The following SMOC2 variants were observed in gnomAD, a reference collection of about 807,000 sequenced individuals.
SMOC2 encodes the protein SPARC-related modular calcium-binding protein 2.
SMOC2 carries 39 observed loss-of-function variants against 61.4 expected under a neutral mutation model. That is an observed-to-expected ratio of 0.64 (90% CI 0.49 to 0.83). The LOEUF (loss-of-function observed/expected upper bound fraction) is 0.83. Ranked by LOEUF, SMOC2 falls within the 40% of genes least tolerant of loss-of-function variation. SMOC2 has a pLI of 0.00. For synonymous variants in SMOC2, 247 were observed against 239.9 expected (o/e 1.03, Z -0.27); for missense variants, 556 against 592.9 (o/e 0.94, Z 0.65).
intron 1 of SMOC2, among the ~76,000 whole-genome samples, chr6:168,466,024 G>GA: frequency 8.8e-6 from 1 of 113,932 alleles, no homozygotes; most frequent in African/African-American, 3.5e-5. Context: ...GGGGGGCTCT[G>GA]GATGAAGCGA....
rs1381793177 is a variant in SMOC2 at position 168,666,524 on chromosome 6, ATAG to A, written c.*89_*91del. ...ATTAAGAAAACAAAAACAGAAACAC[ATAG>A]TATTTGCACTTTGTACTTTAAATGT... On this transcript the variant is annotated 3_prime_UTR_variant, in exon 13 of 13. Coordinates refer to ENST00000356284, the MANE Select transcript of SMOC2 (RefSeq NM_001166412.2). 25 of 1,397,628 alleles carry A rather than the reference ATAG, an allele frequency of 1.8e-5. No homozygotes were observed. In the Admixed American group the frequency reaches 3.1e-4, roughly 17 times the overall value. 86.6% of individuals were successfully genotyped at this position (1,397,628 alleles called of 1,614,324 possible).
chr6:168,615,003 G>A (rs1786025204), intron 9 of SMOC2, among the ~76,000 whole-genome samples: 1 of 57,654 alleles, frequency 1.7e-5, no homozygotes, highest in African/African-American at 6.7e-5. Flanking sequence ...CCAGCACAGG[G>A]CCTCTTCATA....
rs368266370 is a variant in SMOC2, at chr6:168,562,603, C to T, written c.637+13400C>T. Among the ~76,000 whole-genome samples, 48 of 152,206 alleles carry T rather than the reference C, an allele frequency of 3.2e-4. No individual in the cohort carries two copies. The South Asian group carries it at 7.1e-3, about 22-fold the overall frequency. On this transcript the variant is annotated intron_variant, in intron 7 of 12. Transcript: ENST00000356284. ...TGCAAACGTTCACCCAAACAAGAGGCGAGGGCTAGATGACCCGCCTGAGCT... is the reference window on the plus strand; with the variant it reads ...TGCAAACGTTCACCCAAACAAGAGGTGAGGGCTAGATGACCCGCCTGAGCT...
intron 1 of SMOC2, among the ~76,000 whole-genome samples, chr6:168,501,747 C>G (rs558331678): frequency 6.6e-6 from 1 of 152,254 alleles, no homozygotes. Context: ...CCGTACCCAA[C>G]AGCGTCACCC....
chr6:168,501,417 G>A (rs1158078381), intron 1 of SMOC2, among the ~76,000 whole-genome samples: 2 of 152,084 alleles, frequency 1.3e-5, no homozygotes, highest in South Asian at 2.1e-4. Flanking sequence ...CCCTTGCTGC[G>A]GTGCCAGGAA....
intron 9 of SMOC2, among the ~76,000 whole-genome samples, chr6:168,636,510 G>C (rs1002299042): frequency 2.6e-5 from 4 of 152,198 alleles, no homozygotes; most frequent in African/African-American, 9.6e-5. Context: ...TGTTGTTTTG[G>C]ATAGGCTTCT....
At chr6:168,455,149 A>G (rs1233253134) in intron 1 of SMOC2, among the ~76,000 whole-genome samples, 1 of 152,124 alleles carries the variant, frequency 6.6e-6, no homozygotes, top group Non-Finnish European at 1.5e-5. Context: ...TTTGTCCAAG[A>G]ACCAGGCCAG....
At chr6:168,612,433 G>T (rs1165873292) in intron 9 of SMOC2, among the ~76,000 whole-genome samples, 1 of 145,758 alleles carries the variant, frequency 6.9e-6, no homozygotes, top group Non-Finnish European at 1.5e-5. Context: ...CTGAAGAGCA[G>T]TGCTGGGTTC....
chr6:168,651,388 C>A (rs1787187473), intron 10 of SMOC2, among the ~76,000 whole-genome samples: 1 of 152,076 alleles, frequency 6.6e-6, no homozygotes, highest in African/African-American at 2.4e-5. Flanking sequence ...TCGGTGAATT[C>A]TCCAACACTC....
chr6:168,650,577 C>A, intron 9 of SMOC2, 104 bp from the exon 10 acceptor site: 2 of 1,074,606 alleles, frequency 1.9e-6, no homozygotes, highest in Non-Finnish European at 1.3e-6. Flanking sequence ...TAAGGTAGGC[C>A]AAAATACTCA....
chr6:168,570,468 A>G (rs1009637352), intron 7 of SMOC2, among the ~76,000 whole-genome samples: 3 of 152,074 alleles, frequency 2.0e-5, no homozygotes, highest in Non-Finnish European at 4.4e-5. Flanking sequence ...CCCAGGGCGC[A>G]CTCCTGCTAA....
intron 9 of SMOC2, among the ~76,000 whole-genome samples, chr6:168,632,461 A>T (rs959977046): frequency 6.6e-6 from 1 of 152,242 alleles, no homozygotes; most frequent in Admixed American, 6.5e-5. Context: ...TGGAGAGTTG[A>T]TGAAATTATC....
At chr6:168,558,862 TGTGTGTGCATGTGTGTGC>T (rs1784315326) in intron 7 of SMOC2, among the ~76,000 whole-genome samples, 1 of 106,498 alleles carries the variant, frequency 9.4e-6, no homozygotes, top group Admixed American at 8.1e-5. Context: ...CGTGTGCGCA[TGTGTGTGCATGTGTGTGC>T]GTGTGTGCGT....
chr6:168,608,910 G>A (rs35491067), intron 9 of SMOC2, among the ~76,000 whole-genome samples: 25,288 of 152,102 alleles, frequency 0.17, 2,315 homozygotes, highest in Middle Eastern at 0.31. Context: ...ACACTACAGC[G>A]TACTTTGTTT....
intron 12 of SMOC2, among the ~76,000 whole-genome samples, chr6:168,666,185 T>TA (rs1422378031): frequency 4.6e-5 from 7 of 152,238 alleles, no homozygotes. Flanking sequence ...CAGTGGATGT[T>TA]ACTTTTTTGA....
chr6:168,643,454 C>A (rs1387900890), intron 9 of SMOC2, among the ~76,000 whole-genome samples: 2 of 152,166 alleles, frequency 1.3e-5, no homozygotes, highest in Admixed American at 6.5e-5. Flanking sequence ...TGCCACACTG[C>A]CTGGGACGCA....
intron 9 of SMOC2, 74 bp from the exon 10 acceptor site, chr6:168,650,607 C>G: frequency 7.1e-7 from 1 of 1,400,842 alleles, no homozygotes; most frequent in Non-Finnish European, 9.9e-7. Context: ...AGTAAAACAA[C>G]ATTTCCCTGT....
chr6:168,608,118 GT>G (rs1364702715), intron 8 of SMOC2, 38 bp from the exon 9 acceptor site: 1 of 1,585,580 alleles, frequency 6.3e-7, no homozygotes, highest in Middle Eastern at 1.7e-4. Context: ...CAAGCCCGTT[GT>G]TTTCTCTCTC....
At chr6:168,451,704 C>T (rs1781472174) in intron 1 of SMOC2, among the ~76,000 whole-genome samples, 1 of 152,086 alleles carries the variant, frequency 6.6e-6, no homozygotes, top group South Asian at 2.1e-4. Flanking sequence ...ATCTCTCTGA[C>T]CTGAACATAC....
Sources: gnomAD v4.1 joint callset for allele counts (sites outside exome capture counted in the v4.1 genomes callset) on GRCh38, gnomAD v4.1.1 for gene constraint, MANE v1.5 for transcripts, NCBI Gene and HGNC (gene_info 2026-07-23, HGNC 2026-07-21) for gene names.